XPO6: variants seen among roughly 807,000 people sequenced by gnomAD.
The protein encoded by XPO6 is exportin 6, also known as exportin-6.
Under a neutral mutation model 130.0 loss-of-function variants are expected in XPO6, and 3 were observed. The observed-to-expected ratio is 0.02, with a 90% CI of 0.01 to 0.06. XPO6 has a LOEUF of 0.06. XPO6 is among the 10% of genes least tolerant of loss of function. The probability of loss-of-function intolerance (pLI) is 1.00; values close to 1 mark genes in which losing one functional copy is unlikely to be tolerated. For synonymous variants in XPO6, 524 were observed against 548.9 expected, an observed-to-expected ratio of 0.95 and a Z score of 0.63; for missense variants, 970 against 1,393.0, an observed-to-expected ratio of 0.70 and a Z score of 4.83.
At chr16:28,100,872 G>A (rs1026746901) in intron 23 of XPO6, among the ~76,000 whole-genome samples, 4 of 152,156 alleles carry the variant, frequency 2.6e-5, no homozygotes, top group Non-Finnish European at 5.9e-5. Flanking sequence ...GGTGCTGCAC[G>A]GGTGGGGACA....
intron 2 of XPO6, 105 bp downstream of exon 2, chr16:28,180,836 T>G (rs1298024342): frequency 1.2e-6 from 1 of 840,754 alleles, no homozygotes; most frequent in Non-Finnish European, 1.8e-6. Flanking sequence ...AGAATTCAAG[T>G]GGAAAGCACG....
intron 6 of XPO6, among the ~76,000 whole-genome samples, chr16:28,163,593 C>A (rs1444034086): frequency 1.3e-5 from 2 of 152,172 alleles, no homozygotes; most frequent in African/African-American, 4.8e-5. Context: ...ACAGCCTCAG[C>A]AGGCGGGGGG....
intron 1 of XPO6, among the ~76,000 whole-genome samples, chr16:28,186,512 A>G (rs1304860955): frequency 1.3e-5 from 2 of 151,338 alleles, no homozygotes; most frequent in Non-Finnish European, 2.9e-5. Flanking sequence ...CTGAGACTAC[A>G]GGCACATGCC....
chr16:28,197,423 T>G (rs997481498), intron 1 of XPO6, among the ~76,000 whole-genome samples: 2 of 152,166 alleles, frequency 1.3e-5, no homozygotes, highest in Non-Finnish European at 2.9e-5. Flanking sequence ...AAATAAAATC[T>G]AACTTGTTGA....
In XPO6 at chr16:28,107,497, G is replaced by C. The variant is rs1376554907; in HGVS notation, c.2497+25C>G. On this transcript the variant is annotated intron_variant, in intron 18 of 23. Coordinates refer to ENST00000304658, the MANE Select transcript of XPO6 (RefSeq NM_015171.4). The stretch of plus-strand genomic sequence containing the variant: ...TGGCCCTTGTTAGCACCACCCACCA[G>C]TGGGGCCTCTGGGCCAGCTCCTACC... 6.8e-6 allele frequency: 11 copies of C among 1,613,430 alleles called. No individual in the cohort carries two copies. In the South Asian group the frequency reaches 8.8e-5, roughly 13 times the overall value.
chr16:28,150,612 T>C (rs1171871210), intron 8 of XPO6, among the ~76,000 whole-genome samples: 2 of 152,298 alleles, frequency 1.3e-5, no homozygotes, highest in African/African-American at 2.4e-5. Flanking sequence ...CTTTAAAAGA[T>C]GTTTCACTTT....
intron 17 of XPO6, among the ~76,000 whole-genome samples, chr16:28,110,075 A>T (rs148005221): frequency 1.8e-3 from 272 of 152,230 alleles, no homozygotes; most frequent in Non-Finnish European, 1.8e-3. Context: ...TAAAGTTGAG[A>T]TAAGAAAAAT....
intron 6 of XPO6, among the ~76,000 whole-genome samples, chr16:28,161,699 A>C (rs1324525631): frequency 6.6e-6 from 1 of 152,178 alleles, no homozygotes; most frequent in Non-Finnish European, 1.5e-5. Flanking sequence ...TAATATTCAC[A>C]ACTCTAAGGT....
At chr16:28,107,381 T>C in intron 18 of XPO6, 141 bp downstream of exon 18, 1 of 1,018,652 alleles carries the variant, frequency 9.8e-7, no homozygotes, top group Non-Finnish European at 1.4e-6. Flanking sequence ...ATCACTGCCC[T>C]TTCCCCTCAG....
At chr16:28,180,518 C>A (rs1470877193) in intron 2 of XPO6, among the ~76,000 whole-genome samples, 1 of 152,116 alleles carries the variant, frequency 6.6e-6, no homozygotes, top group African/African-American at 2.4e-5. Context: ...TTGACACTTT[C>A]CTGAGTTGTT....
intron 7 of XPO6, chr16:28,153,329 T>C: frequency 1.0e-6 from 1 of 985,678 alleles, no homozygotes. Flanking sequence ...CTAAAAGTGA[T>C]TTCAAATATA....
At chr16:28,130,987 T>G (rs1401759032) in intron 12 of XPO6, among the ~76,000 whole-genome samples, 1 of 152,180 alleles carries the variant, frequency 6.6e-6, no homozygotes, top group Non-Finnish European at 1.5e-5. Context: ...GAGTACATTC[T>G]AATTTGAATA....
At chr16:28,113,864 G>A (rs183738548) in intron 15 of XPO6, among the ~76,000 whole-genome samples, 1 of 152,170 alleles carries the variant, frequency 6.6e-6, no homozygotes, top group East Asian at 1.9e-4. Flanking sequence ...TATTCCTGAT[G>A]GGATAGGACT....
At chr16:28,170,027 A>C in intron 4 of XPO6, 118 bp from the exon 5 acceptor site, 1 of 1,328,570 alleles carries the variant, frequency 7.5e-7, no homozygotes, top group Non-Finnish European at 1.0e-6. Context: ...AACATAAATC[A>C]ACACTTCAGA....
chr16:28,114,849 A>G (rs2087015286), intron 15 of XPO6, among the ~76,000 whole-genome samples: 1 of 152,230 alleles, frequency 6.6e-6, no homozygotes, highest in South Asian at 2.1e-4. Context: ...CTGCTGCTTC[A>G]TCAACTGAGT....
intron 6 of XPO6, among the ~76,000 whole-genome samples, chr16:28,164,773 G>A (rs1316830534): frequency 6.6e-6 from 1 of 152,212 alleles, no homozygotes; most frequent in African/African-American, 2.4e-5. Context: ...GAGGAAAACA[G>A]AGCCTATCAA....
chr16:28,202,560 AGGG>A lies in XPO6; in HGVS notation c.3+8803_3+8805del, dbSNP rs1232415688. 2.0e-5 allele frequency among the ~76,000 whole-genome samples: 3 copies of A among 152,194 alleles called. 1 individual carries two copies. Among genetic ancestry groups the A allele is most frequent in the East Asian group, 3.8e-4 (2 of 5,202 alleles). ...CAGCAGCATCAACAGGTCTGGAAGC[AGGG>A]GGGCGCTATAGAAGAGGAAGTTAAA... On this transcript the variant is annotated intron_variant, in intron 1 of 23. Coordinates refer to ENST00000304658, the MANE Select transcript of XPO6 (RefSeq NM_015171.4).
At position 28,169,888 on chromosome 16, in the gene XPO6, T is replaced by A. The variant is rs1054109710; in HGVS notation, c.427A>T (p.Thr143Ser). The A allele has an allele frequency of 3.7e-6, 6 of 1,613,822 alleles. No individual in the cohort carries two copies. The South Asian group carries it at 6.6e-5, about 18-fold the overall frequency. Residue 143 changes from threonine (T) to serine (S), a missense_variant, in exon 5 of 24, where the codon ACC becomes TCC. Thr to Ser is a moderately conservative substitution (Grantham distance 58). Transcript: ENST00000304658. ...TTCAACATGATCAGCCCAAGGGGGG[T>A]TGTCACAGGGGACTGGATCAACTGC... ...ILQLIQSPVTTPLGLIMLKTT... is the reference protein window; with the variant it reads ...ILQLIQSPVTSPLGLIMLKTT...
chr16:28,129,783 A>T (rs1467297835), intron 12 of XPO6, among the ~76,000 whole-genome samples: 1 of 152,244 alleles, frequency 6.6e-6, no homozygotes, highest in Non-Finnish European at 1.5e-5. Flanking sequence ...AGGCAAAATA[A>T]TCCCTTACAC....
Sources: gnomAD v4.1 joint callset for allele counts (sites outside exome capture counted in the v4.1 genomes callset) on GRCh38, gnomAD v4.1.1 for gene constraint, MANE v1.5 for transcripts, NCBI Gene and HGNC (gene_info 2026-07-23, HGNC 2026-07-21) for gene names.